The following KIAA1217 variants were observed in gnomAD, a reference collection of about 807,000 sequenced individuals.
KIAA1217 encodes KIAA1217, also known as sickle tail protein homolog.
In KIAA1217, 88 loss-of-function variants were observed where a neutral mutation model predicts 163.9. The observed-to-expected ratio is 0.54, with a 90% confidence interval of 0.45 to 0.64. KIAA1217 has a LOEUF of 0.64. KIAA1217 is among the 30% of genes least tolerant of loss of function. The pLI is 0.00. For synonymous variants in KIAA1217, 903 were observed against 923.1 expected (o/e 0.98, Z 0.39); for missense variants, 2,372 against 2,475.0 (o/e 0.96, Z 0.88).
At chr10:24,542,213 G>A (rs2075201623) in intron 17 of KIAA1217, among the ~76,000 whole-genome samples, 1 of 152,198 alleles carries the variant, frequency 6.6e-6, no homozygotes, top group Admixed American at 6.5e-5. Context: ...ATTCCCCTGG[G>A]CTGGTTCCTA....
At position 24,485,876 on chromosome 10, in the gene KIAA1217, C is replaced by T. The variant is rs117822156; in HGVS notation, c.1680-8624C>T. Among the ~76,000 whole-genome samples the T allele has an allele frequency of 7.6e-3, 1,153 of 152,212 alleles. 29 individuals are homozygous for T. The East Asian group carries it at 0.088, about 12-fold the overall frequency. On this transcript the variant is annotated intron_variant, in intron 6 of 20. Transcript: ENST00000376454. The stretch of plus-strand genomic sequence containing the variant: ...CTTCTGAGTGGAGATTTGTATCTCC[C>T]CGTGGATGTCTGTTAATGAACTTGA...
intron 1 of KIAA1217, among the ~76,000 whole-genome samples, chr10:23,836,802 C>T (rs937226606): frequency 4.0e-5 from 6 of 151,828 alleles, no homozygotes; most frequent in Admixed American, 2.6e-4. Context: ...TGGTAGCACA[C>T]ACCTGTGGTC....
At chr10:23,731,947 A>G (rs1213112918) in intron 1 of KIAA1217, among the ~76,000 whole-genome samples, 2 of 152,156 alleles carry the variant, frequency 1.3e-5, no homozygotes, top group Non-Finnish European at 2.9e-5. Flanking sequence ...TACCTGGGAT[A>G]AATCTCACTT....
chr10:24,465,182 A>C (rs1397953793), intron 5 of KIAA1217, among the ~76,000 whole-genome samples: 1 of 150,204 alleles, frequency 6.7e-6, no homozygotes, highest in African/African-American at 2.4e-5. Flanking sequence ...AGAAATAACA[A>C]ACCCTTGCTG....
intron 1 of KIAA1217, among the ~76,000 whole-genome samples, chr10:23,996,875 A>G (rs949615909): frequency 6.6e-6 from 1 of 152,226 alleles, no homozygotes; most frequent in Non-Finnish European, 1.5e-5. Context: ...ACAATACTTA[A>G]CTAGCTCACA....
At chr10:24,430,212 T>G (rs987397871) in intron 3 of KIAA1217, among the ~76,000 whole-genome samples, 1 of 152,184 alleles carries the variant, frequency 6.6e-6, no homozygotes, top group African/African-American at 2.4e-5. Context: ...GAGAGGACCC[T>G]CCAGTGTCCT....
At chr10:24,151,773 T>C (rs1344502560) in intron 2 of KIAA1217, among the ~76,000 whole-genome samples, 1 of 151,926 alleles carries the variant, frequency 6.6e-6, no homozygotes, top group Admixed American at 6.6e-5. Flanking sequence ...CTTTTACAGC[T>C]ACATAGACTT....
At chr10:24,134,987 A>G (rs1235726675) in intron 2 of KIAA1217, among the ~76,000 whole-genome samples, 4 of 152,192 alleles carry the variant, frequency 2.6e-5, no homozygotes, top group African/African-American at 9.7e-5. Context: ...GTTGTGCTTG[A>G]AGGTAGTACC....
intron 1 of KIAA1217, among the ~76,000 whole-genome samples, chr10:23,707,738 A>T (rs997580685): frequency 5.9e-5 from 9 of 152,120 alleles, no homozygotes; most frequent in Admixed American, 2.6e-4. Context: ...TAAAATAAAA[A>T]TTTTTTTAAA....
At chr10:23,873,694 C>T (rs1048479492) in intron 1 of KIAA1217, among the ~76,000 whole-genome samples, 2 of 151,934 alleles carry the variant, frequency 1.3e-5, no homozygotes, top group Admixed American at 1.3e-4. Context: ...CTGTTTCTCT[C>T]TCTCTCTCTC....
At chr10:24,381,557 T>C (rs1564578107) in intron 3 of KIAA1217, among the ~76,000 whole-genome samples, 1 of 152,162 alleles carries the variant, frequency 6.6e-6, no homozygotes, top group Non-Finnish European at 1.5e-5. Context: ...GGTTGCATGC[T>C]CCTTATGAGA....
At chr10:24,068,369 A>G (rs1211103551) in intron 2 of KIAA1217, among the ~76,000 whole-genome samples, 4 of 151,878 alleles carry the variant, frequency 2.6e-5, no homozygotes, top group Admixed American at 1.3e-4. Flanking sequence ...TTAAATTCTC[A>G]CTTTGTTTAT....
chr10:24,061,749 T>A (rs984508424), intron 2 of KIAA1217, among the ~76,000 whole-genome samples: 2 of 152,232 alleles, frequency 1.3e-5, no homozygotes, highest in African/African-American at 4.8e-5. Flanking sequence ...AAAAACCCAT[T>A]GAAAATCTTC....
intron 1 of KIAA1217, among the ~76,000 whole-genome samples, chr10:23,712,022 A>G (rs1837289736): frequency 6.6e-6 from 1 of 152,084 alleles, no homozygotes; most frequent in African/African-American, 2.4e-5. Flanking sequence ...ATTGTCAGAG[A>G]ATGACCTTCA....
chr10:23,810,033 T>A (rs946581848), intron 1 of KIAA1217, among the ~76,000 whole-genome samples: 1 of 152,012 alleles, frequency 6.6e-6, no homozygotes, highest in African/African-American at 2.4e-5. Flanking sequence ...TTATGTTAGA[T>A]GATTTTCCCA....
chr10:23,700,078 C>T (rs1018847704), intron 1 of KIAA1217, among the ~76,000 whole-genome samples: 2 of 152,190 alleles, frequency 1.3e-5, no homozygotes, highest in Non-Finnish European at 2.9e-5. Context: ...CTGTGAAGTA[C>T]TGTTTCCTTT....
rs1385379020 is a variant in KIAA1217 at position 24,433,180 on chromosome 10, T to G, written c.739T>G (p.Leu247Val). The change falls in exon 4 of 21, where the codon TTA becomes GTA. Residue 247 changes from leucine (L) to valine (V), a missense_variant. By Grantham distance (32) the Leu-to-Val change is conservative. Transcript: ENST00000376454. ...KDESRNVYYE[L>V]NDVRNIQDRS... is the part of the protein sequence containing the mutation. The stretch of plus-strand genomic sequence containing the variant: ...TGAAAGCAGAAATGTCTATTATGAA[T>G]TAAATGATGTAAGGTAAGTTGTGAC... The G allele has an allele frequency of 6.2e-7, 1 of 1,613,012 alleles. No homozygotes were observed. The highest frequency in any genetic ancestry group is 8.5e-7 in the Non-Finnish European group (1 of 1,179,588).
chr10:24,475,644 C>T (rs528794999), intron 6 of KIAA1217, among the ~76,000 whole-genome samples: 10 of 152,354 alleles, frequency 6.6e-5, no homozygotes, highest in African/African-American at 2.4e-4. Context: ...TATTCATTCT[C>T]TCCTTTCCAA....
chr10:24,332,936 T>C (rs962669028), intron 2 of KIAA1217, among the ~76,000 whole-genome samples: 6 of 152,152 alleles, frequency 3.9e-5, no homozygotes, highest in African/African-American at 1.2e-4. Context: ...AAAATGATTA[T>C]GATTATTTAG....
Sources: gnomAD v4.1 joint callset for allele counts (sites outside exome capture counted in the v4.1 genomes callset) on GRCh38, gnomAD v4.1.1 for gene constraint, MANE v1.5 for transcripts, NCBI Gene and HGNC (gene_info 2026-07-23, HGNC 2026-07-21) for gene names.